PPP1R14D: variants seen among roughly 807,000 people sequenced by gnomAD.
PPP1R14D encodes protein phosphatase 1 regulatory subunit 14D.
Under a neutral mutation model 17.1 loss-of-function variants are expected in PPP1R14D, and 14 were observed. That is an observed-to-expected ratio of 0.82 (90% CI 0.54 to 1.28). The LOEUF (loss-of-function observed/expected upper bound fraction) is 1.28, where lower values mean the gene tolerates loss of function less well. Among genes scored for constraint, PPP1R14D ranks in the 50% most tolerant of loss-of-function variants. PPP1R14D has a pLI of 0.00. For missense variants in PPP1R14D, 173 were observed against 179.2 expected, an observed-to-expected ratio of 0.97 and a Z score of 0.20; for synonymous variants, 67 against 66.1, an observed-to-expected ratio of 1.01 and a Z score of -0.06.
At chr15:40,820,157 T>G (rs1294712785) in intron 1 of PPP1R14D, among the ~76,000 whole-genome samples, 1 of 139,494 alleles carries the variant, frequency 7.2e-6, no homozygotes, top group African/African-American at 2.7e-5. Flanking sequence ...TGAGCCACTG[T>G]GCCCAGCCCT....
chr15:40,817,633 A>G (rs551059551), intron 1 of PPP1R14D, among the ~76,000 whole-genome samples: 9 of 97,296 alleles, frequency 9.3e-5, no homozygotes, highest in Admixed American at 9.2e-4. Flanking sequence ...TTTTTTTTTG[A>G]GACAAAAGTA....
intron 1 of PPP1R14D, among the ~76,000 whole-genome samples, chr15:40,820,249 C>G (rs1890752272): frequency 6.6e-6 from 1 of 151,482 alleles, no homozygotes; most frequent in Non-Finnish European, 1.5e-5. Context: ...ACCTCTGCCT[C>G]CCAGGGTGAA....
chr15:40,824,776 A>G (rs1417934995), intron 1 of PPP1R14D, among the ~76,000 whole-genome samples: 2 of 152,196 alleles, frequency 1.3e-5, no homozygotes, highest in Admixed American at 1.3e-4. Context: ...GAATGTTTCA[A>G]AACTCTGGGA....
chr15:40,815,517 C>T lies in PPP1R14D; in HGVS notation c.*179G>A. The T allele has an allele frequency of 1.3e-6, 1 of 789,912 alleles. No homozygotes were observed. Among genetic ancestry groups the T allele is most frequent in the South Asian group, 2.1e-5 (1 of 47,912 alleles). The allele number at this position is 789,912 out of a possible 1,614,324, so 48.9% of individuals were successfully genotyped here. A position where few individuals can be genotyped will look rare whatever the true frequency, so the allele number is the denominator to read the frequency against. On this transcript the variant is annotated 3_prime_UTR_variant, in exon 4 of 4. Transcript: ENST00000299174. The stretch of plus-strand genomic sequence containing the variant: ...GCATTGGACAACAGCCAGCTTTCTC[C>T]CAGAGAGCCCAGCTGACAGAAACTA...
chr15:40,821,964 T>A (rs1890785536), intron 1 of PPP1R14D, among the ~76,000 whole-genome samples: 1 of 151,306 alleles, frequency 6.6e-6, no homozygotes. Flanking sequence ...CTCTAATGAT[T>A]AGAACTTTGC....
chr15:40,815,852 A>G (rs898447705), intron 3 of PPP1R14D, 91 bp from the exon 4 acceptor site: 8 of 1,038,450 alleles, frequency 7.7e-6, no homozygotes, highest in Non-Finnish European at 1.1e-5. Context: ...CTGACTCCCC[A>G]GAGAAGGGAG....
intron 1 of PPP1R14D, among the ~76,000 whole-genome samples, chr15:40,819,903 G>C (rs1043852746): frequency 1.4e-5 from 2 of 145,220 alleles, no homozygotes; most frequent in Admixed American, 7.0e-5. Flanking sequence ...GTTTGCTCTT[G>C]TTGCCCAGGC....
At chr15:40,827,971 C>G (rs1029958195) in intron 1 of PPP1R14D, among the ~76,000 whole-genome samples, 15 of 149,380 alleles carry the variant, frequency 1.0e-4, no homozygotes, top group East Asian at 3.9e-4. Flanking sequence ...AAGAAAGAAA[C>G]AAAGAAAAAG....
chr15:40,820,666 G>A (rs1024808693), intron 1 of PPP1R14D, among the ~76,000 whole-genome samples: 2 of 150,596 alleles, frequency 1.3e-5, no homozygotes, highest in Non-Finnish European at 3.0e-5. Flanking sequence ...TTTGAGACCA[G>A]CCTGGCCAAA....
chr15:40,817,146 C>T (rs1890684760), intron 1 of PPP1R14D: 1 of 168,710 alleles, frequency 5.9e-6, no homozygotes, highest in South Asian at 9.3e-5. Context: ...CATTTGAGGT[C>T]AGGAGTTCTA....
Position 40,815,985 on chromosome 15 carries a change from C to T in PPP1R14D, c.349G>A (p.Gly117Arg), listed in dbSNP as rs1229933640. 1 of 1,613,968 alleles carries T rather than the reference C, an allele frequency of 6.2e-7. No individual in the cohort carries two copies. The highest frequency in any genetic ancestry group is 1.3e-5 in the African/African-American group (1 of 74,890). ...EQKTQLEAIL[G>R]NCPRPTEAFI... ...ACCTCTGTGGGGCGGGGGCAGTTCC[C>T]AAGAATGGCCTAGATAGGAGAGAAC... Residue 117 changes from glycine (G) to arginine (R), a missense_variant, in exon 3 of 4, where the codon GGG becomes AGG. Gly to Arg is a moderately radical substitution (Grantham distance 125). Coordinates refer to ENST00000299174, the MANE Select transcript of PPP1R14D (RefSeq NM_017726.8).
chr15:40,820,425 T>C (rs1260713284), intron 1 of PPP1R14D, among the ~76,000 whole-genome samples: 3 of 151,442 alleles, frequency 2.0e-5, no homozygotes, highest in Admixed American at 1.3e-4. Flanking sequence ...TCCCAAAGTG[T>C]TGGGATTACA....
At position 40,815,582 on chromosome 15, in the gene PPP1R14D, T is replaced by C; in HGVS notation, c.*114A>G. ...GACAGTAGGAGTATGCAAATGTCCC[T>C]CCTTGTCCACATTTCTTGTTTGTGT... On this transcript the variant is annotated 3_prime_UTR_variant, in exon 4 of 4. Transcript: ENST00000299174. 1 of 1,326,348 alleles carries C rather than the reference T, an allele frequency of 7.5e-7. No homozygotes were observed. Among genetic ancestry groups the C allele is most frequent in the South Asian group, 1.4e-5 (1 of 70,754 alleles). The allele number at this position is 1,326,348 out of a possible 1,614,324, so 82.2% of individuals were successfully genotyped here. A position where few individuals can be genotyped will look rare whatever the true frequency, so the allele number is the denominator to read the frequency against.
rs1890822984 is a variant in PPP1R14D, at chr15:40,823,707, C to CTATATA, written c.255+4679_255+4680insTATATA. Among the ~76,000 whole-genome samples, 3 of 152,212 alleles carry CTATATA rather than the reference C, an allele frequency of 2.0e-5. No homozygotes were observed. The East Asian group carries it at 5.8e-4, about 29-fold the overall frequency. ...TAGGAATAATAGCTACACCATATAGCCTACATGTGTGGTAGGCTATACCAT... is the reference window on the plus strand; with the variant it reads ...TAGGAATAATAGCTACACCATATAGCTATATACTACATGTGTGGTAGGCTATACCAT... On this transcript the variant is annotated intron_variant, in intron 1 of 3. Transcript: ENST00000299174.
chr15:40,820,397 G>A (rs1051749247), intron 1 of PPP1R14D, among the ~76,000 whole-genome samples: 6 of 151,822 alleles, frequency 4.0e-5, no homozygotes, highest in East Asian at 2.0e-4. Flanking sequence ...GACCTCAGGT[G>A]ATCCACCCAC....
At chr15:40,819,052 C>T (rs961098643) in intron 1 of PPP1R14D, among the ~76,000 whole-genome samples, 1 of 152,078 alleles carries the variant, frequency 6.6e-6, no homozygotes, top group African/African-American at 2.4e-5. Flanking sequence ...AGGACGTGAG[C>T]TCAAATATAA....
chr15:40,827,401 G>A (rs1398960323), intron 1 of PPP1R14D, among the ~76,000 whole-genome samples: 1 of 152,120 alleles, frequency 6.6e-6, no homozygotes, highest in Non-Finnish European at 1.5e-5. Flanking sequence ...CCAGCTACTC[G>A]GGAGGCTGAG....
chr15:40,825,680 G>A (rs1246340216), intron 1 of PPP1R14D, among the ~76,000 whole-genome samples: 1 of 152,214 alleles, frequency 6.6e-6, no homozygotes, highest in Non-Finnish European at 1.5e-5. Context: ...GCAGAGTAAG[G>A]CTGGAGACTG....
At chr15:40,815,812 CA>C in intron 3 of PPP1R14D, 51 bp from the exon 4 acceptor site, 3 of 1,516,678 alleles carry the variant, frequency 2.0e-6, no homozygotes, top group Non-Finnish European at 2.7e-6. Flanking sequence ...ATTCACCCCC[CA>C]CCCTGCCCTC....
Sources: gnomAD v4.1 joint callset for allele counts (sites outside exome capture counted in the v4.1 genomes callset) on GRCh38, gnomAD v4.1.1 for gene constraint, MANE v1.5 for transcripts, NCBI Gene and HGNC (gene_info 2026-07-23, HGNC 2026-07-21) for gene names.